The following NCOA7 variants were observed in gnomAD, a reference collection of about 807,000 sequenced individuals.
The protein encoded by NCOA7 is nuclear receptor coactivator 7.
NCOA7 carries 45 observed loss-of-function variants against 104.3 expected under a neutral mutation model. The observed-to-expected ratio is 0.43, with a 90% CI of 0.34 to 0.55. The LOEUF (loss-of-function observed/expected upper bound fraction) is 0.55. NCOA7 is among the 20% of genes least tolerant of loss of function. The probability of loss-of-function intolerance (pLI) is 0.02; values close to 1 mark genes in which losing one functional copy is unlikely to be tolerated. For missense variants in NCOA7, 1,041 were observed against 1,119.7 expected, an observed-to-expected ratio of 0.93 and a Z score of 1.00; for synonymous variants, 398 against 402.3, an observed-to-expected ratio of 0.99 and a Z score of 0.13.
chr6:125,889,083 G>T lies in NCOA7; in HGVS notation c.1029G>T (p.Ser343=). ...AGAATGGAGAGAAAATTATGACTTC[G>T]GATTCCAGACCAATAGTACCTTTGG... is the stretch of plus-strand genomic sequence containing the variant. ...RQQNGEKIMT[S]DSRPIVPLEK... is the part of the protein sequence containing the mutation. Residue 343 remains serine, a synonymous_variant, in exon 9 of 16, where the codon TCG becomes TCT. Transcript: ENST00000392477. 1.9e-6 allele frequency: 3 copies of T among 1,614,008 alleles called. No individual in the cohort carries two copies. The highest frequency in any genetic ancestry group is 2.5e-6 in the Non-Finnish European group (3 of 1,179,964).
chr6:125,795,775 C>G (rs1775261806), intron 1 of NCOA7, among the ~76,000 whole-genome samples: 1 of 152,180 alleles, frequency 6.6e-6, no homozygotes, highest in Non-Finnish European at 1.5e-5. Context: ...CATCTCCTGT[C>G]TGTATCCCTC....
chr6:125,806,283 G>A (rs181664831), intron 1 of NCOA7, among the ~76,000 whole-genome samples: 5 of 152,274 alleles, frequency 3.3e-5, no homozygotes, highest in Admixed American at 6.5e-5. Flanking sequence ...GGGGATTACC[G>A]TGAGCCGAGA....
intron 10 of NCOA7, among the ~76,000 whole-genome samples, chr6:125,914,103 A>G (rs1160421525): frequency 2.0e-4 from 30 of 152,216 alleles, no homozygotes; most frequent in Admixed American, 1.9e-3. Context: ...CTTTTCTGGG[A>G]ACTAATCTTG....
intron 13 of NCOA7, among the ~76,000 whole-genome samples, chr6:125,927,389 T>G (rs1322431023): frequency 2.0e-5 from 3 of 152,232 alleles, no homozygotes; most frequent in Non-Finnish European, 2.9e-5. Context: ...TCTTTTAAAA[T>G]TGGAACAAAT....
chr6:125,893,397 C>T (rs1303114778), intron 10 of NCOA7, among the ~76,000 whole-genome samples: 1 of 152,192 alleles, frequency 6.6e-6, no homozygotes, highest in African/African-American at 2.4e-5. Context: ...CGATGGTGAA[C>T]TTCACAAACA....
intron 1 of NCOA7, among the ~76,000 whole-genome samples, chr6:125,794,978 A>G (rs1408300378): frequency 9.9e-6 from 1 of 100,920 alleles, no homozygotes; most frequent in Non-Finnish European, 2.3e-5. Flanking sequence ...CCTTGTTTTA[A>G]TAAATCAGAG....
At chr6:125,895,018 A>C (rs939297614) in intron 10 of NCOA7, among the ~76,000 whole-genome samples, 9 of 152,158 alleles carry the variant, frequency 5.9e-5, no homozygotes, top group Non-Finnish European at 1.3e-4. Context: ...GAATTTGGAT[A>C]CTGTTTTATA....
In NCOA7 at chr6:125,921,039, G is replaced by A. The variant is rs761962470; in HGVS notation, c.2341G>A (p.Ala781Thr). 134 of 1,613,592 alleles carry A rather than the reference G, an allele frequency of 8.3e-5. 2 individuals carry two copies. Among genetic ancestry groups the A allele is most frequent in the South Asian group, 3.7e-4 (34 of 91,080 alleles). Reference sequence around the variant, plus strand: ...GCTGCCTGTCCTACGGCCCCACAGCGCGCTCCTGGAGAATATGCACATCGA... The same window carrying A: ...GCTGCCTGTCCTACGGCCCCACAGCACGCTCCTGGAGAATATGCACATCGA... ...EVLPVLRPHS[A>T]LLENMHIEQL... The change falls in exon 12 of 16, where the codon GCG becomes ACG. Residue 781 changes from alanine to threonine, a missense_variant. Around this residue, in one of 2 missense-constraint regions of NCOA7, gnomAD observed 914 missense variants for 942.7 expected, o/e 0.97. Transcript: ENST00000392477.
At chr6:125,881,047 C>A in intron 5 of NCOA7, 43 bp from the exon 6 acceptor site, 1 of 1,249,540 alleles carries the variant, frequency 8.0e-7, no homozygotes, top group Non-Finnish European at 1.2e-6. Context: ...TAGTGGTTTG[C>A]CTGGTTGCTG....
intron 4 of NCOA7, among the ~76,000 whole-genome samples, chr6:125,877,863 A>G (rs954514341): frequency 1.3e-4 from 20 of 152,220 alleles, no homozygotes; most frequent in African/African-American, 4.8e-4. Flanking sequence ...TAGTATATGG[A>G]AAAGTCATGC....
intron 1 of NCOA7, among the ~76,000 whole-genome samples, chr6:125,806,871 T>A (rs1326841341): frequency 6.6e-6 from 1 of 152,210 alleles, no homozygotes; most frequent in Non-Finnish European, 1.5e-5. Flanking sequence ...GTAAGTAGGT[T>A]ACATGATCTA....
At position 125,799,568 on chromosome 6, in the gene NCOA7, T is replaced by G. The variant is rs115325724; in HGVS notation, c.-65+8501T>G. On this transcript the variant is annotated intron_variant, in intron 1 of 15. Transcript: ENST00000392477. Reference sequence around the variant, plus strand: ...AATTCTCCTGAGTCAACCTTTGGAATAGCTGGGACTATAGGCATGCACCAC... The same window carrying G: ...AATTCTCCTGAGTCAACCTTTGGAAGAGCTGGGACTATAGGCATGCACCAC... Among the ~76,000 whole-genome samples, 640 of 152,022 alleles carry G rather than the reference T, an allele frequency of 4.2e-3. 4 individuals carry two copies. The highest frequency in any genetic ancestry group is 0.012 in the African/African-American group (497 of 41,448).
chr6:125,900,777 G>T (rs903649882), intron 10 of NCOA7, among the ~76,000 whole-genome samples: 2 of 146,734 alleles, frequency 1.4e-5, no homozygotes, highest in Non-Finnish European at 3.0e-5. Context: ...AAATAAAGTT[G>T]TTTTTTTTTT....
chr6:125,924,383 C>G (rs1787844934), intron 13 of NCOA7, among the ~76,000 whole-genome samples: 1 of 152,126 alleles, frequency 6.6e-6, no homozygotes, highest in Admixed American at 6.5e-5. Flanking sequence ...AATCATGTAC[C>G]CTGGAGGCAC....
intron 2 of NCOA7, among the ~76,000 whole-genome samples, chr6:125,852,343 G>T (rs181498885): frequency 1.7e-3 from 262 of 152,064 alleles, no homozygotes; most frequent in African/African-American, 6.0e-3. Flanking sequence ...CTACAGGCAC[G>T]TGCCACCATG....
At chr6:125,795,419 C>T (rs900905599) in intron 1 of NCOA7, among the ~76,000 whole-genome samples, 2 of 152,194 alleles carry the variant, frequency 1.3e-5, no homozygotes, top group African/African-American at 2.4e-5. Flanking sequence ...CTCTCATCCT[C>T]ATTCCCCTGT....
chr6:125,855,040 C>A lies in NCOA7; in HGVS notation c.71C>A (p.Ala24Asp). 6.2e-7 allele frequency: 1 copy of A among 1,604,768 alleles called. No homozygotes were observed. Residue 24 changes from alanine to aspartate, a missense_variant, in exon 3 of 16, where the codon GCC becomes GAC. Transcript: ENST00000392477. ...YFARLKKKKQ[A>D]KQNAETASAV... Reference sequence around the variant, plus strand: ...CCTAGACTGAAAAAGAAAAAACAAGCCAAACAAAATGCAGAGACAGCCTCA... The same window carrying A: ...CCTAGACTGAAAAAGAAAAAACAAGACAAACAAAATGCAGAGACAGCCTCA...
At chr6:125,853,123 T>C (rs1781262497) in intron 2 of NCOA7, among the ~76,000 whole-genome samples, 1 of 152,210 alleles carries the variant, frequency 6.6e-6, no homozygotes, top group Non-Finnish European at 1.5e-5. Context: ...TTTGTAAGTT[T>C]CCTTATAGAG....
chr6:125,808,233 G>A (rs1041248991), intron 1 of NCOA7, among the ~76,000 whole-genome samples: 2 of 152,030 alleles, frequency 1.3e-5, no homozygotes, highest in Non-Finnish European at 2.9e-5. Flanking sequence ...CTGCATTCAC[G>A]GTCTGGGAAA....
Sources: gnomAD v4.1 joint callset for allele counts (sites outside exome capture counted in the v4.1 genomes callset) on GRCh38, gnomAD v4.1.1 for gene constraint, gnomAD v4.1.1 regional missense constraint, MANE v1.5 for transcripts, NCBI Gene and HGNC (gene_info 2026-07-23, HGNC 2026-07-21) for gene names.